Variants in DYNC2LI1 observed in about 807,000 individuals in gnomAD.
The protein encoded by DYNC2LI1 is cytoplasmic dynein 2 light intermediate chain 1.
DYNC2LI1 carries 45 observed loss-of-function variants against 51.9 expected under a neutral mutation model. The observed-to-expected ratio is 0.87, with a 90% CI of 0.68 to 1.11. The LOEUF (loss-of-function observed/expected upper bound fraction) is 1.11, where lower values mean the gene tolerates loss of function less well. DYNC2LI1 is among the 50% of genes most tolerant of loss of function. The probability of loss-of-function intolerance (pLI) is 0.00; values close to 1 mark genes in which losing one functional copy is unlikely to be tolerated. For synonymous variants in DYNC2LI1, 130 were observed against 137.8 expected (o/e 0.94, Z 0.40); for missense variants, 490 against 417.4 (o/e 1.17, Z -1.51).
the DYNC2LI1 span, chr2:43,825,011 T>A: frequency 1.2e-6 from 2 of 1,613,756 alleles, no homozygotes; most frequent in South Asian, 1.1e-5. Context: ...GGCAATTTTG[T>A]CAAAGAGCTG....
At chr2:43,791,650 CA>C (rs1397649579) in intron 5 of DYNC2LI1, among the ~76,000 whole-genome samples, 1 of 152,194 alleles carries the variant, frequency 6.6e-6, no homozygotes, top group Non-Finnish European at 1.5e-5. Context: ...CAAAAACACT[CA>C]AACTGTTTTT....
chr2:43,776,687 A>G lies in DYNC2LI1; in HGVS notation c.9-95A>G, dbSNP rs183224917. ...TCAGAAAATAATGTTCATTTGTTTC[A>G]TAAATTATACTGAAATAAAATTTCT... On this transcript the variant is annotated intron_variant, in intron 1 of 12. Transcript: ENST00000260605. 1.0e-3 allele frequency: 594 copies of G among 595,696 alleles called. 3 individuals are homozygous for G. In the African/African-American group the frequency reaches 0.01, roughly 10 times the overall value. 36.9% of individuals were successfully genotyped at this position (595,696 alleles called of 1,614,324 possible).
chr2:43,804,634 T>C lies in DYNC2LI1; in HGVS notation c.803-8T>C. ...TGCAGTCATTTGTGGTAAAACTTGC[T>C]ATTTTAGGATCTCCTCCTGTTCCTG... On this transcript the variant is annotated splice_region_variant and splice_polypyrimidine_tract_variant and intron_variant, in intron 10 of 12. Coordinates refer to ENST00000260605, the MANE Select transcript of DYNC2LI1 (RefSeq NM_016008.4). 6.4e-7 allele frequency: 1 copy of C among 1,562,998 alleles called. No homozygotes were observed. The highest frequency in any genetic ancestry group is 8.7e-7 in the Non-Finnish European group (1 of 1,153,274).
At chr2:43,800,534 C>CAT (rs773631325) in intron 8 of DYNC2LI1, among the ~76,000 whole-genome samples, 11 of 151,890 alleles carry the variant, frequency 7.2e-5, no homozygotes, top group Admixed American at 2.0e-4. Flanking sequence ...AACATACATT[C>CAT]ATATATATAT....
rs115923987 is a variant in DYNC2LI1 at position 43,783,449 on chromosome 2, A to G, written c.127-71A>G. ...GATTAAAAATCTATTTTGGGCCACA[A>G]TTACGAACAATAATACAATTTTTAC... is the stretch of plus-strand genomic sequence containing the variant. On this transcript the variant is annotated intron_variant, in intron 2 of 12. Transcript: ENST00000260605. 1,387 of 1,188,970 alleles carry G rather than the reference A, an allele frequency of 1.2e-3. 19 individuals are homozygous for G. In the African/African-American group the frequency reaches 0.02, roughly 17 times the overall value. 73.7% of individuals were successfully genotyped at this position (1,188,970 alleles called of 1,614,324 possible).
At chr2:43,792,763 C>T (rs1036978992) in intron 5 of DYNC2LI1, 62 of 1,543,764 alleles carry the variant, frequency 4.0e-5, no homozygotes, top group Non-Finnish European at 5.1e-5. Context: ...ATTATTTGTC[C>T]TTTTGTTATT....
chr2:43,792,585 C>G (rs1673840876), intron 5 of DYNC2LI1: 1 of 1,318,954 alleles, frequency 7.6e-7, no homozygotes, highest in African/African-American at 1.5e-5. Context: ...CAAGTATATT[C>G]TCATCACCAT....
chr2:43,784,668 A>G (rs1315139350), intron 3 of DYNC2LI1, among the ~76,000 whole-genome samples: 1 of 152,148 alleles, frequency 6.6e-6, no homozygotes, highest in African/African-American at 2.4e-5. Flanking sequence ...TCACGATGTC[A>G]GGTGATCCGC....
chr2:43,784,338 C>T (rs898386385), intron 3 of DYNC2LI1, among the ~76,000 whole-genome samples: 1 of 152,198 alleles, frequency 6.6e-6, no homozygotes, highest in African/African-American at 2.4e-5. Flanking sequence ...TTTTAGACCA[C>T]ATTTAGACGT....
intron 6 of DYNC2LI1, among the ~76,000 whole-genome samples, chr2:43,795,617 G>A (rs894952060): frequency 6.6e-6 from 1 of 151,942 alleles, no homozygotes; most frequent in African/African-American, 2.4e-5. Flanking sequence ...AAAAAAACCA[G>A]GAAGGTAATA....
the DYNC2LI1 span, among the ~76,000 whole-genome samples, chr2:43,822,329 C>T: frequency 2.2e-4 from 34 of 152,206 alleles, no homozygotes; most frequent in African/African-American, 7.0e-4. Context: ...TCTCTCCTTC[C>T]TCATCCTCTC....
intron 2 of DYNC2LI1, among the ~76,000 whole-genome samples, chr2:43,783,203 A>G (rs1673375428): frequency 6.6e-6 from 1 of 152,200 alleles, no homozygotes; most frequent in African/African-American, 2.4e-5. Context: ...AGTAATTAAC[A>G]TTGATGAGTA....
rs1458845874 is a variant in DYNC2LI1 at position 43,802,244 on chromosome 2, TAA to T, written c.802+536_802+537del. Among the ~76,000 whole-genome samples, 3 of 152,166 alleles carry T rather than the reference TAA, an allele frequency of 2.0e-5. No individual in the cohort carries two copies. In the East Asian group the frequency reaches 5.8e-4, roughly 29 times the overall value. ...TAGGCTTCTGAATCAAAAGGAAGTT[TAA>T]GAGTTTATATCTCAAGGCCCTTACC... On this transcript the variant is annotated intron_variant, in intron 10 of 12. Transcript: ENST00000260605.
intron 8 of DYNC2LI1, among the ~76,000 whole-genome samples, chr2:43,799,697 G>A (rs1446567007): frequency 6.6e-6 from 1 of 152,186 alleles, no homozygotes; most frequent in African/African-American, 2.4e-5. Flanking sequence ...AGATGGAGGA[G>A]TTGGGTTAGA....
At chr2:43,788,945 T>A (rs1673649648) in intron 4 of DYNC2LI1, among the ~76,000 whole-genome samples, 1 of 152,220 alleles carries the variant, frequency 6.6e-6, no homozygotes, top group Non-Finnish European at 1.5e-5. Flanking sequence ...CTAGATGATC[T>A]TATTTCTGAA....
At chr2:43,819,653 G>T in the DYNC2LI1 span, among the ~76,000 whole-genome samples, 2 of 151,912 alleles carry the variant, frequency 1.3e-5, no homozygotes, top group Non-Finnish European at 2.9e-5. Flanking sequence ...TTCTTCTCTT[G>T]GTATAATGGT....
Position 43,800,831 on chromosome 2 carries a change from T to C in DYNC2LI1, c.655-10T>C, listed in dbSNP as rs771135065. ...AGAGCATGTAATTTGTTCTCCTGAT[T>C]TGTTTAAAGTTTACCAGTAAATCAG... On this transcript the variant is annotated splice_polypyrimidine_tract_variant and intron_variant, in intron 8 of 12. Transcript: ENST00000260605. 2 of 1,516,926 alleles carry C rather than the reference T, an allele frequency of 1.3e-6. No homozygotes were observed. The highest frequency in any genetic ancestry group is 1.8e-5 in the Admixed American group (1 of 54,382). The allele number at this position is 1,516,926 out of a possible 1,614,324, so 94.0% of individuals were successfully genotyped here.
At chr2:43,804,028 G>C (rs1666157726) in intron 10 of DYNC2LI1, among the ~76,000 whole-genome samples, 1 of 151,946 alleles carries the variant, frequency 6.6e-6, no homozygotes, top group Non-Finnish European at 1.5e-5. Context: ...AAAACTATTT[G>C]CTTTAATGTA....
intron 12 of DYNC2LI1, chr2:43,805,683 G>C (rs1169519423): frequency 1.3e-5 from 2 of 152,742 alleles, no homozygotes; most frequent in African/African-American, 4.8e-5. Flanking sequence ...ATCTTGCCCA[G>C]TTAAGGACTG....
Sources: gnomAD v4.1 joint callset for allele counts (sites outside exome capture counted in the v4.1 genomes callset) on GRCh38, gnomAD v4.1.1 for gene constraint, MANE v1.5 for transcripts, NCBI Gene and HGNC (gene_info 2026-07-23, HGNC 2026-07-21) for gene names.